Variants in RNF130 observed in about 807,000 individuals in gnomAD.
RNF130 encodes the protein E3 ubiquitin-protein ligase RNF130.
Under a neutral mutation model 44.6 loss-of-function variants are expected in RNF130, and 21 were observed. That is an observed-to-expected ratio of 0.47 (90% CI 0.33 to 0.68). The LOEUF (loss-of-function observed/expected upper bound fraction) is 0.68, where lower values mean the gene tolerates loss of function less well. RNF130 is among the 30% of genes least tolerant of loss of function. RNF130 has a pLI of 0.02. For synonymous variants in RNF130, 214 were observed against 210.4 expected (o/e 1.02, Z -0.15); for missense variants, 479 against 560.6 (o/e 0.85, Z 1.47).
chr5:179,962,877 G>C (rs548474106), intron 8 of RNF130, among the ~76,000 whole-genome samples: 1 of 152,046 alleles, frequency 6.6e-6, no homozygotes, highest in Admixed American at 6.5e-5. Flanking sequence ...TCCTTTTACC[G>C]ACGTGAAGCC....
intron 3 of RNF130, among the ~76,000 whole-genome samples, chr5:179,981,601 CATA>C (rs915036860): frequency 2.6e-5 from 4 of 152,238 alleles, no homozygotes; most frequent in African/African-American, 9.6e-5. Flanking sequence ...GCAAGCATCA[CATA>C]ATTTCACCCA....
intron 2 of RNF130, among the ~76,000 whole-genome samples, chr5:180,024,469 TTA>T (rs1763945049): frequency 6.6e-6 from 1 of 151,974 alleles, no homozygotes; most frequent in Non-Finnish European, 1.5e-5. Context: ...TAAAGACTCA[TTA>T]TATAAAAGGG....
rs1762886271 is a variant in RNF130 at position 179,983,477 on chromosome 5, C to T, written c.694-3277G>A. 3.9e-5 allele frequency among the ~76,000 whole-genome samples: 6 copies of T among 152,194 alleles called. 1 individual carries two copies. In the South Asian group the frequency reaches 1.2e-3, roughly 32 times the overall value. ...AAATATGTGGGTCTATGTGCGGACA[C>T]TATTGTACCATGCATCTATTTGTTT... On this transcript the variant is annotated intron_variant, in intron 3 of 8. Transcript: ENST00000521389.
chr5:179,938,160 G>A (rs753607880), intron 7 of RNF130, among the ~76,000 whole-genome samples: 4 of 151,920 alleles, frequency 2.6e-5, no homozygotes, highest in African/African-American at 7.3e-5. Flanking sequence ...GTTTTGCCAC[G>A]TTGCCCAGGT....
intron 1 of RNF130, among the ~76,000 whole-genome samples, chr5:180,064,267 C>A (rs1039023550): frequency 3.3e-5 from 5 of 152,152 alleles, no homozygotes; most frequent in African/African-American, 1.2e-4. Context: ...AAATAATGAG[C>A]TTCTCAAATG....
intron 7 of RNF130, among the ~76,000 whole-genome samples, chr5:179,931,544 G>T (rs1277486834): frequency 6.6e-6 from 1 of 151,874 alleles, no homozygotes; most frequent in East Asian, 1.9e-4. Context: ...CGAGGTGGGC[G>T]GATCACCTGA....
At chr5:179,952,312 TG>T (rs143070728), downstream of RNF130, among the ~76,000 whole-genome samples, 2,522 of 152,264 alleles carry the variant, frequency 0.017, 72 homozygotes, top group African/African-American at 0.058. Flanking sequence ...TGACTCAAAC[TG>T]TCTCAACTAT....
At chr5:180,070,348 C>A (rs1765221345) in intron 1 of RNF130, among the ~76,000 whole-genome samples, 1 of 152,204 alleles carries the variant, frequency 6.6e-6, no homozygotes, top group East Asian at 1.9e-4. Flanking sequence ...AAAGCCTAGT[C>A]TGAGTTGCGG....
In RNF130 at chr5:179,982,371, G is replaced by A. The variant is rs1006428210; in HGVS notation, c.694-2171C>T. Among the ~76,000 whole-genome samples the A allele has an allele frequency of 4.6e-5, 7 of 151,938 alleles. No individual in the cohort carries two copies. The South Asian group carries it at 1.5e-3, about 32-fold the overall frequency. The stretch of plus-strand genomic sequence containing the variant: ...AACAACATTCTCAATTCTTTGCATG[G>A]ACATATGCTTTCTTTTTTCCTGAGG... On this transcript the variant is annotated intron_variant, in intron 3 of 8. Transcript: ENST00000521389.
rs889102666 is a variant in RNF130 at position 180,057,534 on chromosome 5, C to T, written c.247+13922G>A. On this transcript the variant is annotated intron_variant, in intron 1 of 8. Transcript: ENST00000521389. ...CTGCGCTCCAGCCTGGGTGACAGAG[C>T]GAAACTCAGTCTCAAAAAAAAAAAA... is the stretch of plus-strand genomic sequence containing the variant. Among the ~76,000 whole-genome samples, 9 of 151,548 alleles carry T rather than the reference C, an allele frequency of 5.9e-5. No homozygotes were observed. The South Asian group carries it at 1.0e-3, about 18-fold the overall frequency.
At chr5:180,006,362 T>C (rs770091783) in intron 3 of RNF130, among the ~76,000 whole-genome samples, 1 of 152,198 alleles carries the variant, frequency 6.6e-6, no homozygotes, top group African/African-American at 2.4e-5. Context: ...AGTTTTAACC[T>C]TTCTCTGACA....
chr5:180,027,934 C>T (rs1470033276), intron 2 of RNF130, among the ~76,000 whole-genome samples: 2 of 152,246 alleles, frequency 1.3e-5, no homozygotes, highest in Non-Finnish European at 2.9e-5. Flanking sequence ...GCTTAGGCCG[C>T]ATCAACCTCA....
At chr5:179,958,099 G>C (rs894926551) in intron 8 of RNF130, among the ~76,000 whole-genome samples, 1 of 151,982 alleles carries the variant, frequency 6.6e-6, no homozygotes, top group Non-Finnish European at 1.5e-5. Context: ...GGATGGTCTC[G>C]ATCTCCTGAC....
exon 8 of RNF130, chr5:179,919,406 C>A (rs2113668596): frequency 6.6e-6 from 1 of 152,566 alleles, no homozygotes; most frequent in East Asian, 1.9e-4. Flanking sequence ...CTGGTATCTG[C>A]AGCGAGAAGG....
chr5:180,009,054 T>C (rs949668218), intron 3 of RNF130, among the ~76,000 whole-genome samples: 2 of 152,132 alleles, frequency 1.3e-5, no homozygotes, highest in African/African-American at 4.8e-5. Context: ...AAAGAAGTGC[T>C]GAGAGAGAAA....
At chr5:180,045,178 G>A (rs1163189450) in intron 1 of RNF130, among the ~76,000 whole-genome samples, 1 of 152,228 alleles carries the variant, frequency 6.6e-6, no homozygotes, top group Non-Finnish European at 1.5e-5. Flanking sequence ...CATTTGCAAT[G>A]AGAGAAGGAG....
intron 6 of RNF130, among the ~76,000 whole-genome samples, chr5:179,969,315 G>A (rs983086183): frequency 6.6e-6 from 1 of 151,862 alleles, no homozygotes; most frequent in African/African-American, 2.4e-5. Flanking sequence ...GTTGTCAACA[G>A]TTCTCCTTGG....
intron 3 of RNF130, among the ~76,000 whole-genome samples, chr5:180,003,012 T>G (rs889186106): frequency 1.3e-5 from 2 of 152,110 alleles, no homozygotes; most frequent in Non-Finnish European, 2.9e-5. Flanking sequence ...ACCAAAGAGT[T>G]CTGAACAGAA....
intron 1 of RNF130, among the ~76,000 whole-genome samples, chr5:180,052,075 C>T (rs1198480548): frequency 2.0e-5 from 3 of 152,132 alleles, no homozygotes; most frequent in Non-Finnish European, 2.9e-5. Context: ...ATCAAGTTTT[C>T]CTCCCACCTC....
Sources: gnomAD v4.1 joint callset for allele counts (sites outside exome capture counted in the v4.1 genomes callset) on GRCh38, gnomAD v4.1.1 for gene constraint, MANE v1.5 for transcripts, NCBI Gene and HGNC (gene_info 2026-07-23, HGNC 2026-07-21) for gene names.